The following TAF8 variants were observed in gnomAD, a reference collection of about 807,000 sequenced individuals.
TAF8 encodes the protein transcription initiation factor TFIID subunit 8.
A neutral mutation model predicts 36.5 loss-of-function variants in TAF8; 47 were observed. The observed-to-expected ratio is 1.29, with a 90% CI of 1.02 to 1.64. The LOEUF (loss-of-function observed/expected upper bound fraction) is 1.64, where lower values mean the gene tolerates loss of function less well. Among genes scored for constraint, TAF8 ranks in the 40% most tolerant of loss-of-function variants. TAF8 has a pLI of 0.00. For synonymous variants in TAF8, 175 were observed against 159.5 expected, an observed-to-expected ratio of 1.10 and a Z score of -0.73; for missense variants, 420 against 407.6, an observed-to-expected ratio of 1.03 and a Z score of -0.26.
chr6:42,079,844 G>C lies in TAF8; in HGVS notation c.*2299G>C, dbSNP rs1272148232. 76 of 985,014 alleles carry C rather than the reference G, an allele frequency of 7.7e-5. No homozygotes were observed. Among genetic ancestry groups the C allele is most frequent in the Non-Finnish European group, 8.9e-5 (74 of 829,916 alleles). 61.0% of individuals were successfully genotyped at this position (985,014 alleles called of 1,614,324 possible). A position where few individuals can be genotyped will look rare whatever the true frequency, so the allele number is the denominator to read the frequency against. ...GTTGAGATTACAGGCGTGAGCCACG[G>C]TGCCCAGCCCATCTCTTAGTCTTCC... On this transcript the variant is annotated 3_prime_UTR_variant, in exon 9 of 9. Transcript: ENST00000372977.
At chr6:42,056,360 G>T in intron 4 of TAF8, 1 of 251,126 alleles carries the variant, frequency 4.0e-6, no homozygotes, top group Admixed American at 5.2e-5. Flanking sequence ...TCCTGTTTTT[G>T]TAAATAAAGT....
chr6:42,051,046 G>C (rs1764759499), intron 1 of TAF8: 1 of 1,096,890 alleles, frequency 9.1e-7, no homozygotes, highest in Non-Finnish European at 1.1e-6. Context: ...TGCGGGACAC[G>C]TCTTAATCCC....
At chr6:42,058,867 G>A (rs902046174) in intron 5 of TAF8, among the ~76,000 whole-genome samples, 2 of 152,194 alleles carry the variant, frequency 1.3e-5, no homozygotes, top group African/African-American at 4.8e-5. Context: ...TGGTTGGCCA[G>A]CATTCTTTGG....
chr6:42,076,582 T>C (rs945608613), intron 7 of TAF8, among the ~76,000 whole-genome samples: 1 of 152,230 alleles, frequency 6.6e-6, no homozygotes, highest in Non-Finnish European at 1.5e-5. Context: ...TAGCCTGTGC[T>C]GGGATGTGAT....
intron 2 of TAF8, among the ~76,000 whole-genome samples, chr6:42,053,915 TA>T (rs1366737220): frequency 4.6e-5 from 7 of 152,150 alleles, no homozygotes; most frequent in South Asian, 2.1e-4. Flanking sequence ...AGGCTGGTAT[TA>T]GTGACTTGCT....
chr6:42,068,465 T>C lies in TAF8; in HGVS notation c.638T>C (p.Leu213Ser). ...TCATGCCTCTCTTCCAATTCGCCAG[T>C]GATTGCTGCCAGACCTTTCACCATC... ...LFKDDVSTFPLIAARPFTIPY... is the reference protein window; with the variant it reads ...LFKDDVSTFPSIAARPFTIPY... Residue 213 changes from leucine (L) to serine (S), a missense_variant and splice_region_variant, in exon 7 of 9, where the codon TTG becomes TCG. By Grantham distance (145) the Leu-to-Ser change is moderately radical. Coordinates refer to ENST00000372977, the MANE Select transcript of TAF8 (RefSeq NM_138572.3). 6.2e-7 allele frequency: 1 copy of C among 1,614,008 alleles called. No individual in the cohort carries two copies. Among genetic ancestry groups the C allele is most frequent in the South Asian group, 1.1e-5 (1 of 91,082 alleles).
rs758493295 is a variant in TAF8 at position 42,055,566 on chromosome 6, T to G, written c.238T>G (p.Cys80Gly). Residue 80 changes from cysteine (C) to glycine (G), a missense_variant, in exon 3 of 9, where the codon TGT becomes GGT. By Grantham distance (159) the Cys-to-Gly change is radical (BLOSUM62 -3). Coordinates refer to ENST00000372977, the MANE Select transcript of TAF8 (RefSeq NM_138572.3). ...AATTGGGAGAAGTGCCAAGTCTTAC[T>G]GTGAGCACACAGCCAGGACCCAGCC... ...SEIGRSAKSY[C>G]EHTARTQPTL... 2.5e-6 allele frequency: 4 copies of G among 1,614,216 alleles called. No individual in the cohort carries two copies. The highest frequency in any genetic ancestry group is 3.4e-6 in the Non-Finnish European group (4 of 1,180,020).
At chr6:42,083,470 C>T (rs541618920), downstream of TAF8, among the ~76,000 whole-genome samples, 1 of 152,320 alleles carries the variant, frequency 6.6e-6, no homozygotes, top group Non-Finnish European at 1.5e-5. Flanking sequence ...AGTTGGCTAT[C>T]CTGCACGAGT....
intron 5 of TAF8, among the ~76,000 whole-genome samples, chr6:42,058,440 A>G (rs1765081745): frequency 6.6e-6 from 1 of 152,168 alleles, no homozygotes; most frequent in Non-Finnish European, 1.5e-5. Flanking sequence ...TCTGAGCTCT[A>G]GGTCTGAATG....
rs561590954 is a variant in TAF8 at position 42,069,944 on chromosome 6, A to C, written c.780+1337A>C. The stretch of plus-strand genomic sequence containing the variant: ...GGGAAGTAAGTGTTTCAGGGAGAAA[A>C]GAGCAATTAGCTGTGTCCAAAGCTG... On this transcript the variant is annotated intron_variant, in intron 7 of 8. Coordinates refer to ENST00000372977, the MANE Select transcript of TAF8 (RefSeq NM_138572.3). Among the ~76,000 whole-genome samples the C allele has an allele frequency of 2.4e-4, 36 of 152,274 alleles. No individual in the cohort carries two copies. In the East Asian group the frequency reaches 6.8e-3, roughly 29 times the overall value.
chr6:42,057,540 C>T (rs969106162), intron 5 of TAF8, 27 bp downstream of exon 5: 18 of 1,613,226 alleles, frequency 1.1e-5, no homozygotes, highest in Admixed American at 5.0e-5. Context: ...TGGGACTGCG[C>T]GTGGTGTAAA....
intron 2 of TAF8, chr6:42,051,775 A>G (rs553157189): frequency 7.1e-5 from 17 of 238,846 alleles, no homozygotes; most frequent in Non-Finnish European, 1.1e-4. Context: ...AGCCTGGCCA[A>G]CGTGGCGAAA....
rs542866996 is a variant in TAF8 at position 42,072,602 on chromosome 6, C to G, written c.780+3995C>G. 5.9e-5 allele frequency among the ~76,000 whole-genome samples: 9 copies of G among 152,334 alleles called. No individual in the cohort carries two copies. In the South Asian group the frequency reaches 8.3e-4, roughly 14 times the overall value. On this transcript the variant is annotated intron_variant, in intron 7 of 8. Transcript: ENST00000372977. The stretch of plus-strand genomic sequence containing the variant: ...GGAGGCGCATCGTTCCTCACAGCTA[C>G]TTTATCTTCCATTGTATGGATGTAA...
downstream of TAF8, among the ~76,000 whole-genome samples, chr6:42,085,435 A>G (rs969706536): frequency 9.2e-5 from 14 of 152,126 alleles, no homozygotes; most frequent in African/African-American, 3.4e-4. Flanking sequence ...TGTCCCCTCA[A>G]CATTTATGTT....
rs536405539 is a variant in TAF8 at position 42,055,620 on chromosome 6, G to C, written c.292G>C (p.Val98Leu). The C allele has an allele frequency of 2.5e-6, 4 of 1,613,598 alleles. No homozygotes were observed. In the East Asian group the frequency reaches 8.9e-5, roughly 36 times the overall value. The change falls in exon 3 of 9, where the codon GTT (valine) becomes CTT (leucine). Residue 98 changes from valine (V) to leucine (L), a missense_variant. Physicochemically the swap from Val to Leu is conservative, Grantham distance 32 (BLOSUM62 1). Transcript: ENST00000372977. ...ACTGTCCGATATCGTGGTCACACTT[G>C]TTGAGATGGGTGAGTATACCTTCAG... Reference protein sequence around the residue: ...PTLSDIVVTLVEMGFNVDTLP... With the variant: ...PTLSDIVVTLLEMGFNVDTLP...
intron 4 of TAF8, 138 bp from the exon 5 acceptor site, chr6:42,057,251 A>T: frequency 7.9e-7 from 1 of 1,261,538 alleles, no homozygotes; most frequent in Non-Finnish European, 1.1e-6. Flanking sequence ...CCTTTTATCG[A>T]TTGAAATACA....
intron 7 of TAF8, among the ~76,000 whole-genome samples, chr6:42,073,124 C>T (rs1765637591): frequency 6.6e-6 from 1 of 152,170 alleles, no homozygotes; most frequent in Non-Finnish European, 1.5e-5. Context: ...CTAGTTTCTC[C>T]ATGTACTTGA....
At chr6:42,056,268 G>A (rs1461842984) in intron 4 of TAF8, 1 of 359,114 alleles carries the variant, frequency 2.8e-6, no homozygotes, top group East Asian at 5.8e-5. Context: ...GGCAAATGAT[G>A]CTGCTTGGAA....
chr6:42,057,364 G>A, intron 4 of TAF8, 25 bp from the exon 5 acceptor site: 14 of 1,613,876 alleles, frequency 8.7e-6, no homozygotes, highest in Non-Finnish European at 9.3e-6. Context: ...GGGTGGAGGG[G>A]TAATCAGTTG....
Sources: gnomAD v4.1 joint callset for allele counts (sites outside exome capture counted in the v4.1 genomes callset) on GRCh38, gnomAD v4.1.1 for gene constraint, MANE v1.5 for transcripts, NCBI Gene and HGNC (gene_info 2026-07-23, HGNC 2026-07-21) for gene names.